The following SBF2 variants were observed in gnomAD, a reference collection of about 807,000 sequenced individuals.
SBF2 encodes the protein SET binding factor 2.
In SBF2, 112 loss-of-function variants were observed where a neutral mutation model predicts 225.2. That is an observed-to-expected ratio of 0.50 (90% CI 0.43 to 0.58). The LOEUF is 0.58. SBF2 is among the 20% of genes least tolerant of loss of function. SBF2 has a pLI of 0.00. For synonymous variants in SBF2, 763 were observed against 773.3 expected, an observed-to-expected ratio of 0.99 and a Z score of 0.22; for missense variants, 1,996 against 2,206.2, an observed-to-expected ratio of 0.90 and a Z score of 1.91.
chr11:10,256,137 T>C (rs1017821255), intron 1 of SBF2, among the ~76,000 whole-genome samples: 2 of 152,150 alleles, frequency 1.3e-5, no homozygotes, highest in African/African-American at 4.8e-5. Flanking sequence ...AAGAAAAATC[T>C]CCACAATCAG....
At chr11:9,804,982 C>T (rs1429800396) in intron 32 of SBF2, among the ~76,000 whole-genome samples, 6 of 152,100 alleles carry the variant, frequency 3.9e-5, no homozygotes, top group East Asian at 1.9e-4. Context: ...TGGTGGCTCA[C>T]GCCTGTAATC....
chr11:9,798,284 C>T (rs539637936), intron 32 of SBF2, among the ~76,000 whole-genome samples: 23 of 152,262 alleles, frequency 1.5e-4, no homozygotes, highest in African/African-American at 3.6e-4. Context: ...CCTCAAGTTT[C>T]CCCCTCAACC....
At chr11:10,092,183 C>A (rs1392040046) in intron 2 of SBF2, among the ~76,000 whole-genome samples, 1 of 152,012 alleles carries the variant, frequency 6.6e-6, no homozygotes, top group Admixed American at 6.5e-5. Context: ...TTTTGAGAAA[C>A]AGAAATTAAA....
At chr11:9,956,539 CTT>C (rs1405995851) in intron 16 of SBF2, 2 of 146,644 alleles carry the variant, frequency 1.4e-5, no homozygotes, top group Non-Finnish European at 3.0e-5. Flanking sequence ...TTGTTATACA[CTT>C]ATCATCCAAG....
intron 17 of SBF2, among the ~76,000 whole-genome samples, chr11:9,890,761 C>T (rs1860733972): frequency 6.6e-6 from 1 of 152,080 alleles, no homozygotes; most frequent in Non-Finnish European, 1.5e-5. Context: ...TTCCAGGAAA[C>T]CCTTTGGAAT....
intron 16 of SBF2, among the ~76,000 whole-genome samples, chr11:9,945,696 G>C (rs1182184374): frequency 6.6e-6 from 1 of 152,110 alleles, no homozygotes; most frequent in Non-Finnish European, 1.5e-5. Context: ...CTATGCATCT[G>C]ACAAAGGTCT....
At position 10,152,911 on chromosome 11, in the gene SBF2, G is replaced by A. The variant is rs187287093; in HGVS notation, c.141+40991C>T. On this transcript the variant is annotated intron_variant, in intron 2 of 39. Transcript: ENST00000256190. ...CAAAGGCACAGAGGCCTGAAAATCC[G>A]TAATACATTTTCTGGGGGAAAAAAA... Among the ~76,000 whole-genome samples the A allele has an allele frequency of 4.0e-4, 61 of 152,272 alleles. 1 individual carries two copies. Among genetic ancestry groups the A allele is most frequent in the African/African-American group, 1.3e-3 (54 of 41,566 alleles).
upstream of SBF2, among the ~76,000 whole-genome samples, chr11:10,294,707 G>C (rs528674030): frequency 3.9e-5 from 6 of 152,366 alleles, no homozygotes; most frequent in African/African-American, 1.4e-4. Context: ...GGGAGGGAGA[G>C]GCTTTTACGC....
intron 17 of SBF2, among the ~76,000 whole-genome samples, chr11:9,890,220 T>C (rs922204281): frequency 2.2e-4 from 34 of 152,146 alleles, no homozygotes; most frequent in African/African-American, 7.7e-4. Context: ...ATTTATTTAT[T>C]TATTTACTTA....
intron 3 of SBF2, among the ~76,000 whole-genome samples, chr11:10,037,885 T>C (rs1216812340): frequency 6.6e-6 from 1 of 152,048 alleles, no homozygotes; most frequent in African/African-American, 2.4e-5. Context: ...AATTTATAAA[T>C]TCCTTTTTAT....
intron 17 of SBF2, among the ~76,000 whole-genome samples, chr11:9,874,866 T>C (rs1859084694): frequency 6.6e-6 from 1 of 152,146 alleles, no homozygotes; most frequent in African/African-American, 2.4e-5. Context: ...GACTAACCTA[T>C]CAACCTTGAA....
intron 35 of SBF2, 32 bp downstream of exon 35, chr11:9,789,077 T>G (rs1852569825): frequency 6.3e-7 from 1 of 1,587,874 alleles, no homozygotes; most frequent in African/African-American, 1.3e-5. Context: ...GGGCCCCTGG[T>G]GCCCCTAGGT....
At chr11:10,269,815 A>G (rs1962323620) in intron 1 of SBF2, among the ~76,000 whole-genome samples, 1 of 152,156 alleles carries the variant, frequency 6.6e-6, no homozygotes, top group Non-Finnish European at 1.5e-5. Flanking sequence ...AGGCTAGAGT[A>G]CAGTAGTGCA....
chr11:10,153,796 A>C (rs1955336999), intron 2 of SBF2, among the ~76,000 whole-genome samples: 1 of 152,126 alleles, frequency 6.6e-6, no homozygotes, highest in African/African-American at 2.4e-5. Context: ...GAAGTTTTAT[A>C]ATTTTAGAGT....
chr11:10,289,100 C>T (rs1436058566), intron 1 of SBF2, among the ~76,000 whole-genome samples: 1 of 152,244 alleles, frequency 6.6e-6, no homozygotes, highest in Non-Finnish European at 1.5e-5. Flanking sequence ...GGCAGGGGCC[C>T]AGTGTGTCAG....
chr11:10,223,402 T>TATATATA (rs1958415922), intron 1 of SBF2, among the ~76,000 whole-genome samples: 1 of 58,390 alleles, frequency 1.7e-5, no homozygotes, highest in African/African-American at 1.1e-4. Context: ...TTGCACATTA[T>TATATATA]ATATATATAT....
intron 2 of SBF2, among the ~76,000 whole-genome samples, chr11:10,126,970 G>A (rs1462816738): frequency 6.6e-6 from 1 of 152,006 alleles, no homozygotes; most frequent in East Asian, 1.9e-4. Flanking sequence ...TACTTATAAA[G>A]GGTACCTAAA....
At chr11:10,289,165 C>T (rs1229496820) in intron 1 of SBF2, among the ~76,000 whole-genome samples, 1 of 152,220 alleles carries the variant, frequency 6.6e-6, no homozygotes, top group Non-Finnish European at 1.5e-5. Flanking sequence ...CCTGGCTTGG[C>T]CCCAACCCCG....
chr11:9,979,350 T>C (rs1946841251), intron 13 of SBF2, among the ~76,000 whole-genome samples: 1 of 152,162 alleles, frequency 6.6e-6, no homozygotes, highest in Non-Finnish European at 1.5e-5. Flanking sequence ...CAACTGAGCA[T>C]GGAAAGAAAA....
Sources: allele counts gnomAD v4.1 joint callset (sites outside exome capture counted in the v4.1 genomes callset), GRCh38; gene constraint gnomAD v4.1.1; transcripts MANE v1.5; gene names NCBI Gene and HGNC (gene_info 2026-07-23, HGNC 2026-07-21).